The following HMGB1 variants were observed in gnomAD, a reference collection of about 807,000 sequenced individuals.
HMGB1 encodes the protein high mobility group protein B1.
For missense variants in HMGB1, 79 were observed against 253.5 expected (o/e 0.31, Z 4.67); for synonymous variants, 81 against 84.0 (o/e 0.96, Z 0.19).
At chr13:30,536,927 C>A (rs768844417) in intron 1 of HMGB1, among the ~76,000 whole-genome samples, 1 of 152,162 alleles carries the variant, frequency 6.6e-6, no homozygotes, top group South Asian at 2.1e-4. Context: ...TCTCCAAGCC[C>A]GCAGCTCTAC....
chr13:30,610,754 G>T (rs968945914), intron 1 of HMGB1, among the ~76,000 whole-genome samples: 1 of 151,644 alleles, frequency 6.6e-6, no homozygotes, highest in African/African-American at 2.4e-5. Flanking sequence ...AAAAAAAGTG[G>T]GAAGAAAAGG....
chr13:30,564,211 T>C (rs1486736452), intron 1 of HMGB1, among the ~76,000 whole-genome samples: 2 of 150,360 alleles, frequency 1.3e-5, no homozygotes, highest in East Asian at 3.9e-4. Context: ...GGTGAGCGGA[T>C]TGCTTGAGCC....
At chr13:30,496,774 T>A (rs1032994979) in intron 1 of HMGB1, among the ~76,000 whole-genome samples, 1 of 152,180 alleles carries the variant, frequency 6.6e-6, no homozygotes, top group Non-Finnish European at 1.5e-5. Flanking sequence ...AGGATAAGAC[T>A]CAGTTGAATG....
Position 30,459,454 on chromosome 13 carries a change from T to C in HMGB1, c.*1903A>G, listed in dbSNP as rs1237022709. The stretch of plus-strand genomic sequence containing the variant: ...CAGAATTATTAATGTTGGTGATTAA[T>C]GGTGATTTCTATACAGTAGAAACTT... On this transcript the variant is annotated 3_prime_UTR_variant, in exon 5 of 5. Transcript: ENST00000341423. The C allele has an allele frequency of 1.3e-5, 2 of 152,190 alleles. No homozygotes were observed. The highest frequency in any genetic ancestry group is 2.9e-5 in the Non-Finnish European group (2 of 68,034). 9.4% of individuals were successfully genotyped at this position (152,190 alleles called of 1,614,324 possible).
At chr13:30,477,844 C>A (rs540619848) in intron 1 of HMGB1, among the ~76,000 whole-genome samples, 6 of 152,052 alleles carry the variant, frequency 3.9e-5, no homozygotes, top group Non-Finnish European at 7.4e-5. Flanking sequence ...AGTTACCAGG[C>A]CTCTTTGTTT....
At chr13:30,609,068 T>C (rs1343498727) in intron 1 of HMGB1, among the ~76,000 whole-genome samples, 2 of 149,364 alleles carry the variant, frequency 1.3e-5, no homozygotes, top group East Asian at 1.9e-4. Context: ...AAGACCATCC[T>C]GGCTAACACG....
intron 1 of HMGB1, among the ~76,000 whole-genome samples, chr13:30,552,621 T>G (rs1869481269): frequency 6.6e-6 from 1 of 152,246 alleles, no homozygotes; most frequent in Admixed American, 6.5e-5. Context: ...TTTTCTTTTC[T>G]GTCGTATCTG....
intron 1 of HMGB1, among the ~76,000 whole-genome samples, chr13:30,615,781 C>G (rs1950554664): frequency 6.6e-6 from 1 of 152,108 alleles, no homozygotes; most frequent in Non-Finnish European, 1.5e-5. Flanking sequence ...GAGCTGACAT[C>G]GTGAGTGGCT....
intron 1 of HMGB1, among the ~76,000 whole-genome samples, chr13:30,591,654 C>T (rs1269106739): frequency 6.6e-6 from 1 of 151,948 alleles, no homozygotes; most frequent in Non-Finnish European, 1.5e-5. Flanking sequence ...GGACCACAGG[C>T]GCATGCCACT....
intron 1 of HMGB1, among the ~76,000 whole-genome samples, chr13:30,475,046 T>TC (rs1491199041): frequency 3.0e-4 from 12 of 39,612 alleles, no homozygotes; most frequent in Non-Finnish European, 4.3e-4. Flanking sequence ...TCTCTCTCTC[T>TC]TTTTTTTTTT....
chr13:30,611,328 A>G (rs1417126181), intron 1 of HMGB1, among the ~76,000 whole-genome samples: 1 of 151,998 alleles, frequency 6.6e-6, no homozygotes, highest in Non-Finnish European at 1.5e-5. Context: ...GTGCCCAGCT[A>G]ATTTTTTGTT....
chr13:30,589,296 C>T (rs1380742568), intron 1 of HMGB1, among the ~76,000 whole-genome samples: 2 of 152,090 alleles, frequency 1.3e-5, no homozygotes, highest in Non-Finnish European at 1.5e-5. Flanking sequence ...TGAACCACCG[C>T]GCCCGGCCTA....
At chr13:30,576,848 T>A (rs1415352053) in intron 1 of HMGB1, among the ~76,000 whole-genome samples, 2 of 152,072 alleles carry the variant, frequency 1.3e-5, no homozygotes, top group Admixed American at 6.6e-5. Context: ...CCACATCAAA[T>A]CGATTACCAA....
intron 1 of HMGB1, among the ~76,000 whole-genome samples, chr13:30,502,348 A>G (rs2137453610): frequency 6.6e-6 from 1 of 152,346 alleles, no homozygotes; most frequent in Non-Finnish European, 1.5e-5. Context: ...GCTCACTGGA[A>G]AACATTCAGA....
intron 1 of HMGB1, among the ~76,000 whole-genome samples, chr13:30,600,703 T>G (rs1218214828): frequency 6.6e-6 from 1 of 151,992 alleles, no homozygotes; most frequent in Non-Finnish European, 1.5e-5. Context: ...GCCTCCTGGG[T>G]TCAAGTGATT....
intron 1 of HMGB1, among the ~76,000 whole-genome samples, chr13:30,481,036 CTT>C (rs1308272156): frequency 6.6e-6 from 1 of 150,404 alleles, no homozygotes; most frequent in Non-Finnish European, 1.5e-5. Context: ...TCTTTTTCCT[CTT>C]GTGTGTGTTT....
At chr13:30,614,562 G>C (rs1253330278) in intron 1 of HMGB1, among the ~76,000 whole-genome samples, 1 of 152,182 alleles carries the variant, frequency 6.6e-6, no homozygotes, top group Non-Finnish European at 1.5e-5. Flanking sequence ...CTTGTGTAAG[G>C]TCACACAGCA....
chr13:30,606,694 T>C (rs1382547332), intron 1 of HMGB1, among the ~76,000 whole-genome samples: 3 of 152,178 alleles, frequency 2.0e-5, no homozygotes, highest in Admixed American at 6.5e-5. Flanking sequence ...GATGAGAAAA[T>C]TGATTATACA....
At chr13:30,484,226 C>A (rs923891451) in intron 1 of HMGB1, among the ~76,000 whole-genome samples, 16 of 152,294 alleles carry the variant, frequency 1.1e-4, no homozygotes, top group Admixed American at 7.8e-4. Flanking sequence ...GTCTGTACTA[C>A]CCAGGCGTCT....
Sources: gnomAD v4.1 joint callset for allele counts (sites outside exome capture counted in the v4.1 genomes callset) on GRCh38, gnomAD v4.1.1 for gene constraint, MANE v1.5 for transcripts, NCBI Gene and HGNC (gene_info 2026-07-23, HGNC 2026-07-21) for gene names.